The following C5 variants were observed in gnomAD, a reference collection of about 807,000 sequenced individuals.
The protein encoded by C5 is complement C5.
C5 carries 140 observed loss-of-function variants against 218.8 expected under a neutral mutation model. The observed-to-expected ratio is 0.64, with a 90% CI of 0.56 to 0.74. The LOEUF is 0.74. Ranked by LOEUF, C5 falls within the 30% of genes least tolerant of loss-of-function variation. The pLI is 0.00. For synonymous variants in C5, 614 were observed against 682.3 expected (o/e 0.90, Z 1.56); for missense variants, 1,700 against 1,969.6 (o/e 0.86, Z 2.59).
Position 120,974,762 on chromosome 9 carries a change from G to A in C5, c.4017+17C>T. ...TCTCAGCCAATTGTAAAATACTACA[G>A]AAAGTTCTTCATTTACCTCTACTGG... On this transcript the variant is annotated intron_variant, in intron 30 of 40. Transcript: ENST00000223642. The A allele has an allele frequency of 6.2e-7, 1 of 1,606,500 alleles. No homozygotes were observed. The highest frequency in any genetic ancestry group is 8.5e-7 in the Non-Finnish European group (1 of 1,173,424).
upstream of C5, among the ~76,000 whole-genome samples, chr9:121,053,157 C>T (rs2047681288): frequency 2.6e-5 from 4 of 152,144 alleles, no homozygotes; most frequent in African/African-American, 7.2e-5. Flanking sequence ...GAAACAGAGG[C>T]GTCTCCTCAG....
intron 15 of C5, among the ~76,000 whole-genome samples, 167 bp from the exon 16 acceptor site, chr9:121,015,428 G>T (rs2047299140): frequency 6.6e-6 from 1 of 152,048 alleles, no homozygotes; most frequent in Non-Finnish European, 1.5e-5. Flanking sequence ...TTCTTAATAT[G>T]ACTTGTTTTA....
the C5 span, among the ~76,000 whole-genome samples, chr9:121,057,477 A>G: frequency 6.6e-6 from 1 of 152,174 alleles, no homozygotes; most frequent in African/African-American, 2.4e-5. Context: ...AAAATGCAGG[A>G]AAAAGTGTAG....
chr9:120,985,793 T>C (rs2047028589), intron 25 of C5, among the ~76,000 whole-genome samples: 1 of 152,206 alleles, frequency 6.6e-6, no homozygotes, highest in South Asian at 2.1e-4. Context: ...CAAATAACCA[T>C]TCTTTCTTTT....
At chr9:120,980,017 TC>T in intron 28 of C5, 65 bp downstream of exon 28, 1 of 1,470,008 alleles carries the variant, frequency 6.8e-7, no homozygotes, top group Non-Finnish European at 9.5e-7. Context: ...ACCACCCACT[TC>T]CCAGACTAGC....
chr9:121,025,416 G>C (rs1053692189), intron 9 of C5, 38 bp downstream of exon 9: 1 of 197,132 alleles, frequency 5.1e-6, no homozygotes. Flanking sequence ...TCAAAAGAAA[G>C]TATACACACA....
chr9:120,968,429 T>C (rs907766321), intron 33 of C5, among the ~76,000 whole-genome samples: 9 of 152,218 alleles, frequency 5.9e-5, no homozygotes, highest in Admixed American at 3.3e-4. Flanking sequence ...CTCCTTGATT[T>C]TGGGACTTCT....
At chr9:121,045,216 T>G (rs1187285021) in intron 2 of C5, among the ~76,000 whole-genome samples, 1 of 152,170 alleles carries the variant, frequency 6.6e-6, no homozygotes, top group Non-Finnish European at 1.5e-5. Context: ...ATTCCTATGT[T>G]TGACTAGAAA....
At chr9:121,020,458 T>C (rs928984233) in intron 11 of C5, among the ~76,000 whole-genome samples, 4 of 152,190 alleles carry the variant, frequency 2.6e-5, no homozygotes, top group African/African-American at 9.7e-5. Context: ...GTGGTCTTCC[T>C]GAAATGTCAT....
intron 34 of C5, among the ~76,000 whole-genome samples, 194 bp from the exon 35 acceptor site, chr9:120,963,161 G>C (rs540417410): frequency 1.3e-5 from 2 of 152,328 alleles, no homozygotes; most frequent in East Asian, 3.9e-4. Flanking sequence ...GCTAGTGTAT[G>C]CTTCTGCTTC....
intron 8 of C5, chr9:121,025,965 C>A (rs759190732): frequency 5.6e-6 from 1 of 179,044 alleles, no homozygotes; most frequent in Non-Finnish European, 1.2e-5. Flanking sequence ...AATTTAAATA[C>A]TAATTTTAAA....
intron 20 of C5, among the ~76,000 whole-genome samples, chr9:121,002,276 ATATACG>A (rs1564146605): frequency 4.7e-5 from 6 of 127,590 alleles, no homozygotes; most frequent in South Asian, 2.9e-4. Context: ...ATATATGTAT[ATATACG>A]TATATATGTA....
intron 26 of C5, among the ~76,000 whole-genome samples, chr9:120,982,212 A>G (rs955941215): frequency 6.6e-6 from 1 of 152,184 alleles, no homozygotes; most frequent in Admixed American, 6.5e-5. Flanking sequence ...GGGTTTCACC[A>G]TATTGACCAG....
chr9:121,019,162 GC>G (rs1386155007), intron 12 of C5, among the ~76,000 whole-genome samples: 6 of 151,796 alleles, frequency 4.0e-5, no homozygotes, highest in Admixed American at 6.6e-5. Context: ...ATCACGTGAA[GC>G]CAAAATGCCC....
At chr9:120,959,632 T>C (rs1007751733) in intron 38 of C5, among the ~76,000 whole-genome samples, 3 of 152,066 alleles carry the variant, frequency 2.0e-5, no homozygotes, top group Admixed American at 1.3e-4. Context: ...TCTCAAAAAA[T>C]GCCAGCAATA....
chr9:121,003,252 T>C (rs2047186948), intron 20 of C5, among the ~76,000 whole-genome samples: 1 of 151,632 alleles, frequency 6.6e-6, no homozygotes, highest in South Asian at 2.1e-4. Context: ...GATTGTGCCA[T>C]TGCACTCCAG....
intron 33 of C5, among the ~76,000 whole-genome samples, chr9:120,965,069 G>A (rs966188011): frequency 2.0e-5 from 3 of 152,168 alleles, no homozygotes; most frequent in Non-Finnish European, 4.4e-5. Context: ...GCTTGGGAGA[G>A]CAGTCAGGAT....
chr9:120,994,092 GTC>G lies in C5; in HGVS notation c.2851+2146_2851+2147del, dbSNP rs2047098138. ...GACTAGAGCTAGTCTTAAGCATTGA[GTC>G]TCTGTGTTTAGTCTTTTTTTAAGCT... is the stretch of plus-strand genomic sequence containing the variant. On this transcript the variant is annotated intron_variant, in intron 22 of 40. Transcript: ENST00000223642. 2.6e-5 allele frequency among the ~76,000 whole-genome samples: 4 copies of G among 152,230 alleles called. No homozygotes were observed. The South Asian group carries it at 8.3e-4, about 32-fold the overall frequency.
Position 120,957,056 on chromosome 9 carries a change from C to T in C5, c.4762+229G>A, listed in dbSNP as rs111231518. The T allele has an allele frequency of 3.7e-3, 1,597 of 430,032 alleles. 29 individuals are homozygous for T. Among genetic ancestry groups the T allele is most frequent in the South Asian group, 0.024 (1,089 of 46,082 alleles). The allele number at this position is 430,032 out of a possible 1,614,324, so 26.6% of individuals were successfully genotyped here. A position where few individuals can be genotyped will look rare whatever the true frequency, so the allele number is the denominator to read the frequency against. The stretch of plus-strand genomic sequence containing the variant: ...TAAAGAAAAAGAAATTGGACAATTA[C>T]GCAATTGAAAAAAACATTTTGCTGA... On this transcript the variant is annotated intron_variant, in intron 39 of 40. Coordinates refer to ENST00000223642, the MANE Select transcript of C5 (RefSeq NM_001735.3).
Sources: allele counts gnomAD v4.1 joint callset (sites outside exome capture counted in the v4.1 genomes callset), GRCh38; gene constraint gnomAD v4.1.1; transcripts MANE v1.5; gene names NCBI Gene and HGNC (gene_info 2026-07-23, HGNC 2026-07-21).